JPH1: variants seen among roughly 807,000 people sequenced by gnomAD.
JPH1 encodes the protein junctophilin-1.
In JPH1, 12 loss-of-function variants were observed where a neutral mutation model predicts 53.6. The ratio of observed to expected loss-of-function variants is 0.22; its 90% CI spans 0.14 to 0.36. The LOEUF is 0.36. Ranked by LOEUF, JPH1 falls within the 10% of genes least tolerant of loss-of-function variation. The pLI is 1.00. For missense variants in JPH1, 808 were observed against 905.5 expected (o/e 0.89, Z 1.38); for synonymous variants, 375 against 363.8 (o/e 1.03, Z -0.35).
chr8:74,250,770 C>T (rs1806023297), intron 3 of JPH1, among the ~76,000 whole-genome samples: 1 of 152,174 alleles, frequency 6.6e-6, no homozygotes, highest in South Asian at 2.1e-4. Flanking sequence ...GCATAGAAAC[C>T]TGATTTTACC....
chr8:74,313,692 A>G (rs1808059272), intron 2 of JPH1, among the ~76,000 whole-genome samples: 1 of 152,134 alleles, frequency 6.6e-6, no homozygotes. Flanking sequence ...TTCAATGCCA[A>G]TAACAAAAAC....
chr8:74,285,053 G>A (rs2131424165), intron 2 of JPH1, among the ~76,000 whole-genome samples: 1 of 152,146 alleles, frequency 6.6e-6, no homozygotes, highest in Non-Finnish European at 1.5e-5. Flanking sequence ...TCGAACTCCT[G>A]ACCTTGTAAT....
intron 2 of JPH1, among the ~76,000 whole-genome samples, chr8:74,301,919 G>A (rs1807693813): frequency 6.6e-6 from 1 of 152,196 alleles, no homozygotes; most frequent in African/African-American, 2.4e-5. Flanking sequence ...ATGAGCCTAA[G>A]CAGGGTACAT....
chr8:74,276,713 A>T (rs1488260146), intron 2 of JPH1, among the ~76,000 whole-genome samples: 1 of 152,222 alleles, frequency 6.6e-6, no homozygotes, highest in African/African-American at 2.4e-5. Context: ...GCACACCTGC[A>T]TCCCACCCCA....
In JPH1 at chr8:74,321,093, C is replaced by G. The variant is rs200893363; in HGVS notation, c.195G>C (p.Ala65=). 5 of 1,613,506 alleles carry G rather than the reference C, an allele frequency of 3.1e-6. No individual in the cohort carries two copies. In the Admixed American group the frequency reaches 8.3e-5, roughly 27 times the overall value. The change falls in exon 1 of 6, where the codon GCG becomes GCC. Residue 65 remains alanine (A), a synonymous_variant. Transcript: ENST00000342232. The surrounding 1 kb of genome is among the most constrained non-coding windows in gnomAD (Gnocchi z 4.3). ...PSGNTYQGYW[A]QGKRHGLGVE... ...CCCCCAGCCCGTGCCGCTTGCCCTG[C>G]GCCCAGTAGCCCTGGTAGGTGTTGC...
chr8:74,252,601 A>C (rs1034361189), intron 3 of JPH1, among the ~76,000 whole-genome samples: 5 of 152,136 alleles, frequency 3.3e-5, no homozygotes, highest in Admixed American at 6.5e-5. Context: ...CAGACTGGCA[A>C]ATTGGATAAA....
chr8:74,282,692 T>C (rs1807046963), intron 2 of JPH1, among the ~76,000 whole-genome samples: 1 of 152,172 alleles, frequency 6.6e-6, no homozygotes, highest in Non-Finnish European at 1.5e-5. Context: ...CAGAGGAGGT[T>C]AACTGAGGCA....
intron 3 of JPH1, among the ~76,000 whole-genome samples, chr8:74,256,338 T>A (rs1159804642): frequency 6.9e-6 from 1 of 144,942 alleles, no homozygotes; most frequent in African/African-American, 2.6e-5. Context: ...TGGGAATTGA[T>A]CAATGAGAAC....
intron 2 of JPH1, among the ~76,000 whole-genome samples, chr8:74,280,253 G>A (rs908585196): frequency 3.3e-5 from 5 of 152,138 alleles, no homozygotes; most frequent in Non-Finnish European, 7.3e-5. Flanking sequence ...TGCATGGTAG[G>A]AGGCATCATA....
intron 2 of JPH1, among the ~76,000 whole-genome samples, chr8:74,301,360 A>T (rs1235870036): frequency 1.3e-5 from 2 of 152,208 alleles, no homozygotes; most frequent in East Asian, 3.8e-4. Context: ...TTCTTATCAT[A>T]TCCTCCCGAT....
chr8:74,315,197 G>T lies in JPH1; in HGVS notation c.803C>A (p.Pro268Gln), dbSNP rs756049890. The part of the protein sequence containing the change: ...SFGDVDCDFC[P>Q]VEDHVDATTT... ...GGTGGCGTCCACGTGGTCTTCCACC[G>T]GGCAAAAATCACAATCTACATCGCC... The change falls in exon 2 of 6, where the codon CCG (proline) becomes CAG (glutamine). Residue 268 changes from proline to glutamine, a missense_variant. Around this residue, in one of 2 missense-constraint regions of JPH1, gnomAD observed 756 missense variants for 811.9 expected, o/e 0.93. Transcript: ENST00000342232. This position sits in a 1 kb window ranked among gnomAD's most constrained non-coding sequence, Gnocchi z 6.3. 1.9e-6 allele frequency: 3 copies of T among 1,614,066 alleles called. No individual in the cohort carries two copies. The highest frequency in any genetic ancestry group is 2.5e-6 in the Non-Finnish European group (3 of 1,180,042).
In JPH1 at chr8:74,321,211, T is replaced by G; in HGVS notation, c.77A>C (p.His26Pro). ...GGWEEGKAHG[H>P]GICTGPKGQG... ...GCCCTTGGGCCCCGTGCAGATGCCATGCCCGTGCGCCTTGCCCTCCTCCCA... is the reference window on the plus strand; with the variant it reads ...GCCCTTGGGCCCCGTGCAGATGCCAGGCCCGTGCGCCTTGCCCTCCTCCCA... The change falls in exon 1 of 6, where the codon CAT becomes CCT. Residue 26 changes from histidine to proline, a missense_variant. By Grantham distance (77) the His-to-Pro change is moderately conservative (BLOSUM62 -2). Transcript: ENST00000342232. This position sits in a 1 kb window ranked among gnomAD's most constrained non-coding sequence, Gnocchi z 4.3. 6.2e-7 allele frequency: 1 copy of G among 1,612,034 alleles called. No homozygotes were observed. Among genetic ancestry groups the G allele is most frequent in the East Asian group, 2.2e-5 (1 of 44,710 alleles).
rs1311625186 is a variant in JPH1 at position 74,315,341 on chromosome 8, C to G, written c.659G>C (p.Ser220Thr). 4 of 1,613,440 alleles carry G rather than the reference C, an allele frequency of 2.5e-6. No individual in the cohort carries two copies. Among genetic ancestry groups the G allele is most frequent in the Non-Finnish European group, 3.4e-6 (4 of 1,180,032 alleles). Residue 220 changes from serine to threonine, a missense_variant, in exon 2 of 6, where the codon AGC becomes ACC. Ser to Thr is a moderately conservative substitution (Grantham distance 58). Around this residue, in one of 2 missense-constraint regions of JPH1, gnomAD observed 756 missense variants for 811.9 expected, o/e 0.93. Coordinates refer to ENST00000342232, the MANE Select transcript of JPH1 (RefSeq NM_020647.4). This position sits in a 1 kb window ranked among gnomAD's most constrained non-coding sequence, Gnocchi z 6.3. ...GGATTCGGACTTGCGAAGTTTCATG[C>G]TTCCAAGAAGGGAGCCCCTCCGGAA... ...GLFRRGSLLG[S>T]MKLRKSESKS... is the part of the protein sequence containing the mutation.
At chr8:74,267,248 T>G (rs975821930) in intron 2 of JPH1, among the ~76,000 whole-genome samples, 1 of 152,044 alleles carries the variant, frequency 6.6e-6, no homozygotes, top group South Asian at 2.1e-4. Context: ...CGAAAGGTGG[T>G]TGAACTCACC....
In JPH1 at chr8:74,260,937, C is replaced by T. The variant is rs187440447; in HGVS notation, c.1140-1434G>A. Among the ~76,000 whole-genome samples the T allele has an allele frequency of 4.6e-3, 695 of 152,210 alleles. 17 individuals carry two copies. The highest frequency in any genetic ancestry group is 0.04 in the Admixed American group (611 of 15,288). On this transcript the variant is annotated intron_variant, in intron 2 of 5. Transcript: ENST00000342232. The stretch of plus-strand genomic sequence containing the variant: ...TCTGTCATAATCCCAAAGTGCAGAA[C>T]GCTACATTGGCACATACTATTTATT...
At chr8:74,272,306 G>C (rs910045684) in intron 2 of JPH1, among the ~76,000 whole-genome samples, 1 of 152,228 alleles carries the variant, frequency 6.6e-6, no homozygotes, top group Middle Eastern at 3.4e-3. Flanking sequence ...AGGTAATTCT[G>C]CCTAGTTCTA....
Position 74,277,671 on chromosome 8 carries a change from T to C in JPH1, c.1140-18168A>G, listed in dbSNP as rs546984675. On this transcript the variant is annotated intron_variant, in intron 2 of 5. Coordinates refer to ENST00000342232, the MANE Select transcript of JPH1 (RefSeq NM_020647.4). ...CCTCACTGTGCCTGAGTTTCTTATC[T>C]GTGAAACGTGAATAGTGGTAGAACC... Among the ~76,000 whole-genome samples, 78 of 152,324 alleles carry C rather than the reference T, an allele frequency of 5.1e-4. No individual in the cohort carries two copies. The South Asian group carries it at 0.016, about 31-fold the overall frequency.
intron 3 of JPH1, among the ~76,000 whole-genome samples, chr8:74,253,162 T>C (rs553526208): frequency 3.9e-4 from 60 of 152,194 alleles, no homozygotes; most frequent in African/African-American, 1.3e-3. Context: ...CCTCAGCAAA[T>C]GTAAAAGAAC....
At chr8:74,243,274 C>T (rs1250792293) in intron 4 of JPH1, among the ~76,000 whole-genome samples, 1 of 152,152 alleles carries the variant, frequency 6.6e-6, no homozygotes, top group Non-Finnish European at 1.5e-5. Flanking sequence ...GGTTTAAAAT[C>T]TTTAAAATGA....
Sources: gnomAD v4.1 joint callset for allele counts (sites outside exome capture counted in the v4.1 genomes callset) on GRCh38, gnomAD v4.1.1 for gene constraint, gnomAD v4.1.1 regional missense constraint, Gnocchi (gnomAD v3.1) non-coding constraint, MANE v1.5 for transcripts, NCBI Gene and HGNC (gene_info 2026-07-23, HGNC 2026-07-21) for gene names.